Variants in HACE1 observed in about 807,000 individuals in gnomAD.
HACE1 encodes the protein HECT domain and ankyrin repeat containing E3 ubiquitin protein ligase 1, also known as E3 ubiquitin-protein ligase HACE1.
In HACE1, 73 loss-of-function variants were observed where a neutral mutation model predicts 118.4. The observed-to-expected ratio is 0.62, with a 90% confidence interval of 0.51 to 0.75. The LOEUF (loss-of-function observed/expected upper bound fraction) is 0.75, where lower values mean the gene tolerates loss of function less well. Among genes scored for constraint, HACE1 ranks in the 30% least tolerant of loss-of-function variants. The pLI, the probability that HACE1 is intolerant of heterozygous loss-of-function variation, is 0.00. For synonymous variants in HACE1, 368 were observed against 374.8 expected, an observed-to-expected ratio of 0.98 and a Z score of 0.21; for missense variants, 749 against 1,102.2, an observed-to-expected ratio of 0.68 and a Z score of 4.54.
chr6:104,771,949 G>A lies in HACE1; in HGVS notation c.1990C>T (p.Arg664Ter), dbSNP rs761703540. Residue 664 changes from arginine (R) to a stop codon, truncating the protein, a stop_gained, in exon 18 of 24, where the codon CGA becomes TGA. Coordinates refer to ENST00000262903, the MANE Select transcript of HACE1 (RefSeq NM_020771.4). LOFTEE classifies it high-confidence loss of function. The part of the protein sequence containing the change: ...HRQLVNIYFT[R>*]SFYKHILGIP... ...CCAAGAATGTGCTTGTAGAAGGATC[G>A]TGTGAAGTAAATATTGACCAGCTGC... The A allele has an allele frequency of 5.0e-6, 8 of 1,605,210 alleles. No individual in the cohort carries two copies. The highest frequency in any genetic ancestry group is 4.5e-5 in the East Asian group (2 of 44,798).
At chr6:104,838,965 T>C (rs533090089) in intron 5 of HACE1, among the ~76,000 whole-genome samples, 36 of 134,018 alleles carry the variant, frequency 2.7e-4, no homozygotes, top group African/African-American at 5.5e-4. Context: ...TTCTCAAAAG[T>C]AGACATACAA....
chr6:104,854,857 T>C (rs1488370107), intron 1 of HACE1, among the ~76,000 whole-genome samples: 1 of 152,230 alleles, frequency 6.6e-6, no homozygotes, highest in Non-Finnish European at 1.5e-5. Flanking sequence ...ACTGTGAGTG[T>C]ATACATGAAA....
chr6:104,747,989 G>A (rs1425526190), intron 20 of HACE1, among the ~76,000 whole-genome samples: 2 of 151,686 alleles, frequency 1.3e-5, no homozygotes, highest in East Asian at 1.9e-4. Flanking sequence ...GAAAGATAAA[G>A]GAATAAAGCT....
chr6:104,753,941 G>A (rs150819459), intron 19 of HACE1, among the ~76,000 whole-genome samples: 145 of 152,204 alleles, frequency 9.5e-4, no homozygotes, highest in Non-Finnish European at 1.7e-3. Flanking sequence ...TCAGAAGGTG[G>A]GTAATAATAA....
At chr6:104,744,422 T>A in intron 21 of HACE1, 90 bp downstream of exon 21, 1 of 852,198 alleles carries the variant, frequency 1.2e-6, no homozygotes, top group Non-Finnish European at 2.0e-6. Context: ...ACTTTGTTAA[T>A]TAATGTAAGT....
At chr6:104,793,888 A>G (rs1178837134) in intron 10 of HACE1, among the ~76,000 whole-genome samples, 1 of 152,240 alleles carries the variant, frequency 6.6e-6, no homozygotes, top group Non-Finnish European at 1.5e-5. Flanking sequence ...CATAAAAATA[A>G]GATTCTATAA....
At chr6:104,793,895 A>C (rs770060186) in intron 10 of HACE1, among the ~76,000 whole-genome samples, 2 of 152,238 alleles carry the variant, frequency 1.3e-5, no homozygotes, top group Admixed American at 6.5e-5. Flanking sequence ...ATAAGATTCT[A>C]TAAAGCACTT....
At chr6:104,838,009 G>A (rs914376988) in intron 5 of HACE1, among the ~76,000 whole-genome samples, 7 of 152,022 alleles carry the variant, frequency 4.6e-5, no homozygotes, top group Admixed American at 1.3e-4. Context: ...AACCAAAGAA[G>A]TGAAAGATGT....
intron 22 of HACE1, among the ~76,000 whole-genome samples, chr6:104,738,570 G>A (rs1159565548): frequency 5.4e-5 from 8 of 149,278 alleles, no homozygotes; most frequent in East Asian, 3.9e-4. Flanking sequence ...GGGTATCAGC[G>A]ATGGAAGATG....
chr6:104,730,700 T>C (rs530715180), intron 22 of HACE1: 1 of 373,634 alleles, frequency 2.7e-6, no homozygotes, highest in Middle Eastern at 8.9e-4. Context: ...TTTACAATTA[T>C]TTGCTTTCAT....
At chr6:104,808,334 A>G (rs1330856375) in intron 7 of HACE1, among the ~76,000 whole-genome samples, 1 of 149,638 alleles carries the variant, frequency 6.7e-6, no homozygotes, top group African/African-American at 2.4e-5. Context: ...CCTATCAACT[A>G]CTAAGTGTTG....
chr6:104,810,702 G>A (rs55729743), intron 7 of HACE1, among the ~76,000 whole-genome samples: 336 of 152,070 alleles, frequency 2.2e-3, no homozygotes, highest in African/African-American at 7.8e-3. Context: ...CACAGTGAGC[G>A]TTAACTAAAC....
chr6:104,849,949 CTTTT>C (rs35012688), intron 3 of HACE1, among the ~76,000 whole-genome samples: 6 of 121,058 alleles, frequency 5.0e-5, no homozygotes, highest in East Asian at 2.5e-4. Context: ...CACGCCCGTC[CTTTT>C]TTTTTTTTTT....
chr6:104,790,768 A>G (rs1192689024), intron 11 of HACE1, among the ~76,000 whole-genome samples: 1 of 152,184 alleles, frequency 6.6e-6, no homozygotes, highest in Non-Finnish European at 1.5e-5. Context: ...AAATAAATAC[A>G]TGAAGAAATA....
At chr6:104,747,399 G>A (rs1187493839) in intron 20 of HACE1, among the ~76,000 whole-genome samples, 2 of 151,986 alleles carry the variant, frequency 1.3e-5, no homozygotes, top group South Asian at 2.1e-4. Context: ...GGAGCTACTC[G>A]ATACCTTCTC....
At chr6:104,784,380 AG>A (rs753418261) in intron 13 of HACE1, 36 bp downstream of exon 13, 1 of 1,335,792 alleles carries the variant, frequency 7.5e-7, no homozygotes. Context: ...AAGAGAGGAA[AG>A]GCTAGCAGGG....
intron 22 of HACE1, chr6:104,730,776 T>G: frequency 4.0e-6 from 1 of 249,220 alleles, no homozygotes; most frequent in Non-Finnish European, 8.0e-6. Context: ...TCTATATCCC[T>G]GGGGCTAGCA....
intron 18 of HACE1, 85 bp from the exon 19 acceptor site, chr6:104,771,474 A>C (rs1780592485): frequency 1.2e-6 from 1 of 829,462 alleles, no homozygotes; most frequent in Admixed American, 2.1e-5. Context: ...CTCTACAGAT[A>C]TTCTGAAAAA....
chr6:104,785,310 A>G lies in HACE1; in HGVS notation c.1084T>C (p.Leu362=). 6.3e-7 allele frequency: 1 copy of G among 1,592,342 alleles called. No homozygotes were observed. The change falls in exon 12 of 24, where the codon TTG becomes CTG. Residue 362 remains leucine, a synonymous_variant. Coordinates refer to ENST00000262903, the MANE Select transcript of HACE1 (RefSeq NM_020771.4). Reference sequence around the variant, plus strand: ...CATTCATCTAACGAGTGCCAAAGCAATTCCAGAGGCTGAGAGAAACAAAAG... The same window carrying G: ...CATTCATCTAACGAGTGCCAAAGCAGTTCCAGAGGCTGAGAGAAACAAAAG... ...PRSQVFKPLE[L]LWHSLDEWLV... is the part of the protein sequence containing the mutation.
Sources: gnomAD v4.1 joint callset for allele counts (sites outside exome capture counted in the v4.1 genomes callset) on GRCh38, gnomAD v4.1.1 for gene constraint, MANE v1.5 for transcripts, NCBI Gene and HGNC (gene_info 2026-07-23, HGNC 2026-07-21) for gene names.